The following ST3GAL1 variants were observed in gnomAD, a reference collection of about 807,000 sequenced individuals.
ST3GAL1 encodes ST3 beta-galactoside alpha-2,3-sialyltransferase 1, also known as CMP-N-acetylneuraminate-beta-galactosamide-alpha-2,3-sialyltransferase 1.
A neutral mutation model predicts 34.1 loss-of-function variants in ST3GAL1; 16 were observed. The ratio of observed to expected loss-of-function variants is 0.47; its 90% confidence interval spans 0.32 to 0.71. The LOEUF is 0.71. Ranked by LOEUF, ST3GAL1 falls within the 30% of genes least tolerant of loss-of-function variation. The pLI, the probability that ST3GAL1 is intolerant of heterozygous loss-of-function variation, is 0.04. For synonymous variants in ST3GAL1, 191 were observed against 184.7 expected (o/e 1.03, Z -0.28); for missense variants, 353 against 447.4 (o/e 0.79, Z 1.90).
At chr8:133,514,029 C>A (rs940271954) in intron 2 of ST3GAL1, among the ~76,000 whole-genome samples, 2 of 152,138 alleles carry the variant, frequency 1.3e-5, no homozygotes, top group African/African-American at 4.8e-5. Flanking sequence ...TGGCTAATAT[C>A]CATAATAAAC....
At chr8:133,481,060 T>C (rs1816362538) in intron 3 of ST3GAL1, among the ~76,000 whole-genome samples, 3 of 152,222 alleles carry the variant, frequency 2.0e-5, no homozygotes, top group Admixed American at 6.5e-5. Context: ...CTGTGATACT[T>C]GGATAATGTG....
chr8:133,557,396 G>A (rs1236719626), intron 1 of ST3GAL1, among the ~76,000 whole-genome samples: 1 of 152,182 alleles, frequency 6.6e-6, no homozygotes, highest in East Asian at 1.9e-4. Flanking sequence ...CAGAAGGCAT[G>A]TTCTCTAGGG....
chr8:133,531,782 G>A (rs1035980707), intron 2 of ST3GAL1, among the ~76,000 whole-genome samples: 9 of 124,370 alleles, frequency 7.2e-5, no homozygotes, highest in African/African-American at 2.5e-4. Context: ...ACACCCACAC[G>A]TTCTGCACTT....
intron 2 of ST3GAL1, among the ~76,000 whole-genome samples, chr8:133,536,159 A>C (rs1194289974): frequency 6.6e-6 from 1 of 152,170 alleles, no homozygotes; most frequent in Non-Finnish European, 1.5e-5. Flanking sequence ...TCACACTGTG[A>C]AGATGACTCT....
rs144362296 is a variant in ST3GAL1 at position 133,531,389 on chromosome 8, C to T, written c.-429+14385G>A. Among the ~76,000 whole-genome samples the T allele has an allele frequency of 1.3e-3, 194 of 152,098 alleles. 1 individual carries two copies. Among genetic ancestry groups the T allele is most frequent in the African/African-American group, 4.4e-3 (184 of 41,482 alleles). The stretch of plus-strand genomic sequence containing the variant: ...TAACCTGTATAGCGTTTAATATGTA[C>T]CTGGCTGTTCTAAGAGCTTTAAAAT... On this transcript the variant is annotated intron_variant, in intron 2 of 9. Coordinates refer to ENST00000522652, the MANE Select transcript of ST3GAL1 (RefSeq NM_173344.3).
Position 133,465,936 on chromosome 8 carries a change from G to A in ST3GAL1, c.461C>T (p.Ser154Phe), listed in dbSNP as rs745544254. Reference protein sequence around the residue: ...VVGNSGNLRESSYGPEIDSHD... With the variant: ...VVGNSGNLREFSYGPEIDSHD... ...ACTGTCTATCTCAGGCCCATAAGAAGACTCCCTCAGGTTGCCCGAGTTGCC... is the reference window on the plus strand; with the variant it reads ...ACTGTCTATCTCAGGCCCATAAGAAAACTCCCTCAGGTTGCCCGAGTTGCC... Residue 154 changes from serine to phenylalanine, a missense_variant, in exon 6 of 10, where the codon TCT (serine) becomes TTT (phenylalanine). Ser to Phe is a radical substitution (Grantham distance 155, BLOSUM62 -2). Transcript: ENST00000522652. 1 of 1,614,130 alleles carries A rather than the reference G, an allele frequency of 6.2e-7. No homozygotes were observed. The highest frequency in any genetic ancestry group is 8.5e-7 in the Non-Finnish European group (1 of 1,179,998).
In ST3GAL1 at chr8:133,571,430, C is replaced by T. The variant is rs1266565782; in HGVS notation, c.-582+263G>A. 6.6e-6 allele frequency among the ~76,000 whole-genome samples: 1 copy of T among 152,174 alleles called. No homozygotes were observed. Among genetic ancestry groups the T allele is most frequent in the Non-Finnish European group, 1.5e-5 (1 of 68,026 alleles). ...CCCTAAGCCCGAACCTCCACCCCGA[C>T]CTTCTTCCTCTCCCAAAGCCCTGGG... On this transcript the variant is annotated intron_variant, in intron 1 of 9. Coordinates refer to ENST00000522652, the MANE Select transcript of ST3GAL1 (RefSeq NM_173344.3). This position sits in a 1 kb window ranked among gnomAD's most constrained non-coding sequence, Gnocchi z 6.7.
chr8:133,538,793 G>T (rs942724267), intron 2 of ST3GAL1, among the ~76,000 whole-genome samples: 2 of 152,180 alleles, frequency 1.3e-5, no homozygotes, highest in Middle Eastern at 3.2e-3. Flanking sequence ...TGACATTGCA[G>T]GTATTTCCAG....
chr8:133,511,064 C>T (rs1220709843), intron 2 of ST3GAL1, among the ~76,000 whole-genome samples: 1 of 152,168 alleles, frequency 6.6e-6, no homozygotes, highest in Non-Finnish European at 1.5e-5. Context: ...CGTCATTTTC[C>T]TTCTTTAAAT....
chr8:133,486,023 C>T lies in ST3GAL1; in HGVS notation c.-373-9423G>A, dbSNP rs75981589. ...CTATACTGTGTTCTAAGCACAATAC[C>T]GGTGCACATTGGCTGGGCCCACAAC... On this transcript the variant is annotated intron_variant, in intron 3 of 9. Transcript: ENST00000522652. Among the ~76,000 whole-genome samples, 253 of 152,316 alleles carry T rather than the reference C, an allele frequency of 1.7e-3. 1 individual carries two copies. Among genetic ancestry groups the T allele is most frequent in the Middle Eastern group, 0.01 (3 of 294 alleles).
At chr8:133,506,719 A>C (rs138584019) in intron 2 of ST3GAL1, among the ~76,000 whole-genome samples, 24 of 152,152 alleles carry the variant, frequency 1.6e-4, no homozygotes, top group African/African-American at 5.5e-4. Context: ...TGGGAGGCGG[A>C]GGTTGCAGTA....
intron 2 of ST3GAL1, among the ~76,000 whole-genome samples, chr8:133,504,706 A>G (rs767175238): frequency 2.2e-4 from 34 of 152,106 alleles, no homozygotes; most frequent in Non-Finnish European, 4.0e-4. Context: ...GGTCGAGAAG[A>G]GACAGGGGAA....
intron 9 of ST3GAL1, among the ~76,000 whole-genome samples, chr8:133,460,511 C>T (rs1408008729): frequency 6.6e-6 from 1 of 152,216 alleles, no homozygotes; most frequent in African/African-American, 2.4e-5. Context: ...CCCTCAGGGC[C>T]ACTAGACCAG....
intron 2 of ST3GAL1, among the ~76,000 whole-genome samples, chr8:133,544,760 C>G (rs1026049647): frequency 6.6e-6 from 1 of 152,158 alleles, no homozygotes; most frequent in Non-Finnish European, 1.5e-5. Flanking sequence ...CATACAGAGA[C>G]CACAAGATGG....
intron 1 of ST3GAL1, among the ~76,000 whole-genome samples, chr8:133,554,949 G>C (rs370836338): frequency 6.6e-6 from 1 of 151,876 alleles, no homozygotes; most frequent in African/African-American, 2.4e-5. Flanking sequence ...GGATGGTCTC[G>C]AGCTCCTGAC....
intron 2 of ST3GAL1, among the ~76,000 whole-genome samples, chr8:133,538,538 A>G (rs1198466009): frequency 6.6e-6 from 1 of 152,218 alleles, no homozygotes; most frequent in Non-Finnish European, 1.5e-5. Flanking sequence ...ATAAATAAAT[A>G]AAACCTATTG....
rs893866304 is a variant in ST3GAL1, at chr8:133,466,334, A to G, written c.307-244T>C. ...TTCTGCAAGTGTTTACTGAGCACCT[A>G]CCATGTGCCAGGCACTGCTGAAGCC... On this transcript the variant is annotated intron_variant, in intron 5 of 9. Coordinates refer to ENST00000522652, the MANE Select transcript of ST3GAL1 (RefSeq NM_173344.3). The surrounding 1 kb of genome is among the most constrained non-coding windows in gnomAD (Gnocchi z 4.4). Among the ~76,000 whole-genome samples, 6 of 152,182 alleles carry G rather than the reference A, an allele frequency of 3.9e-5. No homozygotes were observed. The highest frequency in any genetic ancestry group is 7.3e-5 in the Non-Finnish European group (5 of 68,038).
chr8:133,530,751 A>T (rs1448250110), intron 2 of ST3GAL1, among the ~76,000 whole-genome samples: 2 of 152,200 alleles, frequency 1.3e-5, no homozygotes, highest in African/African-American at 2.4e-5. Flanking sequence ...CGGGAAAAGC[A>T]TCCTGTGTGA....
chr8:133,476,124 C>T, intron 4 of ST3GAL1, 50 bp from the exon 5 acceptor site: 1 of 1,336,734 alleles, frequency 7.5e-7, no homozygotes. Context: ...GAGGCTCAAT[C>T]AAAAGGGATG....
Sources: allele counts gnomAD v4.1 joint callset (sites outside exome capture counted in the v4.1 genomes callset), GRCh38; gene constraint gnomAD v4.1.1; non-coding constraint Gnocchi (gnomAD v3.1); transcripts MANE v1.5; gene names NCBI Gene and HGNC (gene_info 2026-07-23, HGNC 2026-07-21).